CERS6: variants seen among roughly 807,000 people sequenced by gnomAD.
CERS6 encodes ceramide synthase 6.
In CERS6, 26 loss-of-function variants were observed where a neutral mutation model predicts 56.8. The ratio of observed to expected loss-of-function variants is 0.46; its 90% CI spans 0.34 to 0.63. The LOEUF (loss-of-function observed/expected upper bound fraction) is 0.63, where lower values mean the gene tolerates loss of function less well. Ranked by LOEUF, CERS6 falls within the 30% of genes least tolerant of loss-of-function variation. The pLI is 0.01. For synonymous variants in CERS6, 164 were observed against 173.3 expected, an observed-to-expected ratio of 0.95 and a Z score of 0.42; for missense variants, 415 against 467.5, an observed-to-expected ratio of 0.89 and a Z score of 1.04.
At chr2:168,637,506 G>T (rs1027713501) in intron 4 of CERS6, among the ~76,000 whole-genome samples, 2 of 151,976 alleles carry the variant, frequency 1.3e-5, no homozygotes, top group Non-Finnish European at 2.9e-5. Context: ...AATTACACAG[G>T]AACACTAAAT....
At chr2:168,639,081 A>C (rs759929708) in intron 4 of CERS6, among the ~76,000 whole-genome samples, 3 of 152,140 alleles carry the variant, frequency 2.0e-5, no homozygotes, top group Non-Finnish European at 2.9e-5. Context: ...CCAAAATAAC[A>C]CTCACTTAAA....
chr2:168,643,901 A>C (rs1360986966), intron 4 of CERS6, among the ~76,000 whole-genome samples: 1 of 152,218 alleles, frequency 6.6e-6, no homozygotes, highest in Non-Finnish European at 1.5e-5. Flanking sequence ...CACAAGTTCC[A>C]GAATTTAAGA....
chr2:168,725,839 C>T (rs1362026793), intron 8 of CERS6, among the ~76,000 whole-genome samples: 1 of 152,290 alleles, frequency 6.6e-6, no homozygotes, highest in East Asian at 1.9e-4. Context: ...AGTTAGCTCT[C>T]CTCAACTCAA....
chr2:168,512,480 A>G (rs1181649552), intron 1 of CERS6, among the ~76,000 whole-genome samples: 2 of 151,480 alleles, frequency 1.3e-5, no homozygotes, highest in Non-Finnish European at 2.9e-5. Context: ...TCTTTACTTT[A>G]TTTTCCAAAC....
At chr2:168,475,357 C>T (rs562654597) in intron 1 of CERS6, among the ~76,000 whole-genome samples, 1 of 152,124 alleles carries the variant, frequency 6.6e-6, no homozygotes, top group South Asian at 2.1e-4. Flanking sequence ...TAGTTGAGCA[C>T]GGATCTTTAA....
chr2:168,591,697 G>A (rs1683675457), intron 3 of CERS6, among the ~76,000 whole-genome samples: 1 of 152,102 alleles, frequency 6.6e-6, no homozygotes, highest in African/African-American at 2.4e-5. Context: ...TTCACCTTCG[G>A]GGTGTTCCTT....
chr2:168,558,985 C>G (rs1695736039), intron 2 of CERS6, among the ~76,000 whole-genome samples: 1 of 152,106 alleles, frequency 6.6e-6, no homozygotes, highest in South Asian at 2.1e-4. Context: ...AGAGCCAGAA[C>G]AAAGTTGGAA....
chr2:168,619,268 A>G (rs867674219), intron 3 of CERS6, among the ~76,000 whole-genome samples: 1 of 152,174 alleles, frequency 6.6e-6, no homozygotes. Context: ...AGAAGATAAC[A>G]TTGGAAAAAC....
intron 3 of CERS6, among the ~76,000 whole-genome samples, chr2:168,566,954 TCTC>T (rs1457957960): frequency 1.3e-5 from 2 of 152,148 alleles, no homozygotes; most frequent in Non-Finnish European, 2.9e-5. Context: ...CTGCCAAAAT[TCTC>T]CTCATAATGA....
chr2:168,734,787 A>T (rs967816849), intron 8 of CERS6, among the ~76,000 whole-genome samples: 22 of 152,360 alleles, frequency 1.4e-4, no homozygotes, highest in Non-Finnish European at 3.1e-4. Flanking sequence ...ATCTATATGC[A>T]TCTGGAGCAC....
At chr2:168,711,518 G>A (rs1208373245) in intron 6 of CERS6, among the ~76,000 whole-genome samples, 1 of 152,142 alleles carries the variant, frequency 6.6e-6, no homozygotes, top group African/African-American at 2.4e-5. Context: ...TGCATCACTT[G>A]AGGTCAGGTG....
chr2:168,606,065 G>A (rs1328243288), intron 3 of CERS6, among the ~76,000 whole-genome samples: 1 of 152,194 alleles, frequency 6.6e-6, no homozygotes, highest in Non-Finnish European at 1.5e-5. Context: ...CCTGCACCTG[G>A]AAAAGCTGCA....
chr2:168,577,807 T>C (rs760998964), intron 3 of CERS6, among the ~76,000 whole-genome samples: 1 of 152,098 alleles, frequency 6.6e-6, no homozygotes, highest in Non-Finnish European at 1.5e-5. Flanking sequence ...GAGGAAGTAT[T>C]AGCATTTTGA....
At chr2:168,615,815 A>G (rs1684303648) in intron 3 of CERS6, among the ~76,000 whole-genome samples, 1 of 152,228 alleles carries the variant, frequency 6.6e-6, no homozygotes, top group African/African-American at 2.4e-5. Context: ...AATCGAGGAA[A>G]ACTTCCTTGG....
chr2:168,664,026 T>C (rs1166123212), intron 4 of CERS6, among the ~76,000 whole-genome samples: 1 of 152,200 alleles, frequency 6.6e-6, no homozygotes. Context: ...TTCTGGGTGC[T>C]CCATTCAGCC....
At chr2:168,759,768 G>T (rs904708830) in intron 8 of CERS6, among the ~76,000 whole-genome samples, 15 of 152,012 alleles carry the variant, frequency 9.9e-5, no homozygotes, top group African/African-American at 3.6e-4. Context: ...GTTTACAACT[G>T]TTTTTGTGAA....
At chr2:168,532,703 CT>C (rs1695189947) in intron 1 of CERS6, among the ~76,000 whole-genome samples, 1 of 152,098 alleles carries the variant, frequency 6.6e-6, no homozygotes, top group African/African-American at 2.4e-5. Context: ...ACAATACTTA[CT>C]TTTAATTTTT....
At chr2:168,589,341 G>A (rs1010864751) in intron 3 of CERS6, among the ~76,000 whole-genome samples, 25 of 152,066 alleles carry the variant, frequency 1.6e-4, no homozygotes, top group African/African-American at 5.1e-4. Flanking sequence ...TAGATAGGTC[G>A]TGCTATCTCC....
At chr2:168,645,138 TATATAGAGAGAGAGAGAGAGAG>T (rs1474128647) in intron 4 of CERS6, among the ~76,000 whole-genome samples, 2 of 30,030 alleles carry the variant, frequency 6.7e-5, no homozygotes, top group African/African-American at 1.6e-4. Context: ...TATATATATA[TATATAGAGAGAGAGAGAGAGAG>T]AGAGAGAGAG....
Sources: gnomAD v4.1 joint callset for allele counts (sites outside exome capture counted in the v4.1 genomes callset) on GRCh38, gnomAD v4.1.1 for gene constraint, MANE v1.5 for transcripts, NCBI Gene and HGNC (gene_info 2026-07-23, HGNC 2026-07-21) for gene names.